KIFC3: variants seen among roughly 807,000 people sequenced by gnomAD.
The protein encoded by KIFC3 is kinesin family member C3.
A neutral mutation model predicts 101.8 loss-of-function variants in KIFC3; 60 were observed. The ratio of observed to expected loss-of-function variants is 0.59; its 90% CI spans 0.48 to 0.73. KIFC3 has a LOEUF of 0.73. Ranked by LOEUF, KIFC3 falls within the 30% of genes least tolerant of loss-of-function variation. KIFC3 has a pLI of 0.00. For missense variants in KIFC3, 966 were observed against 1,137.1 expected, an observed-to-expected ratio of 0.85 and a Z score of 2.16; for synonymous variants, 476 against 482.7, an observed-to-expected ratio of 0.99 and a Z score of 0.18.
chr16:57,782,130 C>T, intron 3 of KIFC3: 19 of 985,438 alleles, frequency 1.9e-5, no homozygotes, highest in Non-Finnish European at 2.3e-5. Context: ...CCAGGGCACA[C>T]GGGAGTGACA....
intron 3 of KIFC3, among the ~76,000 whole-genome samples, chr16:57,773,413 C>G (rs886969793): frequency 9.2e-5 from 14 of 152,186 alleles, no homozygotes; most frequent in African/African-American, 2.4e-4. Context: ...AGAACGCACA[C>G]CCAGCATCGC....
At chr16:57,842,190 A>T (rs571962000) in intron 1 of KIFC3, among the ~76,000 whole-genome samples, 1 of 150,752 alleles carries the variant, frequency 6.6e-6, no homozygotes, top group Non-Finnish European at 1.5e-5. Flanking sequence ...ACAGAGCGAG[A>T]CTCCGTCTCA....
chr16:57,832,321 C>CTT (rs1165977084), intron 1 of KIFC3, among the ~76,000 whole-genome samples: 2,153 of 73,474 alleles, frequency 0.029, 210 homozygotes, highest in African/African-American at 0.042. Context: ...GCGCCAGGCC[C>CTT]TTTTTTTTTT....
At chr16:57,774,960 A>C (rs2051847958) in intron 3 of KIFC3, 4 of 1,519,982 alleles carry the variant, frequency 2.6e-6, no homozygotes, top group Non-Finnish European at 3.5e-6. Context: ...CTGCCTCAGC[A>C]TGGGGCTGGG....
Position 57,758,767 on chromosome 16 carries a change from A to T in KIFC3, c.*167T>A. The T allele has an allele frequency of 9.4e-7, 1 of 1,068,518 alleles. No homozygotes were observed. Among genetic ancestry groups the T allele is most frequent in the Non-Finnish European group, 1.4e-6 (1 of 693,908 alleles). 66.2% of individuals were successfully genotyped at this position (1,068,518 alleles called of 1,614,324 possible). ...CTTCTGAACATGTTTCTCATCTTTG[A>T]GGGGAGACGGGGCAGAAGAAGAGCC... On this transcript the variant is annotated 3_prime_UTR_variant, in exon 20 of 20. Coordinates refer to ENST00000445690, the MANE Select transcript of KIFC3 (RefSeq NM_001130100.2).
chr16:57,765,174 G>A (rs2050341083), intron 11 of KIFC3, among the ~76,000 whole-genome samples: 1 of 152,164 alleles, frequency 6.6e-6, no homozygotes, highest in East Asian at 1.9e-4. Context: ...AAGGGTGGGC[G>A]GGGCCACACG....
Position 57,802,472 on chromosome 16 carries a change from G to A in KIFC3, c.-142C>T, listed in dbSNP as rs1555625905. On this transcript the variant is annotated 5_prime_UTR_variant, in exon 1 of 20. Transcript: ENST00000445690. This position sits in a 1 kb window ranked among gnomAD's most constrained non-coding sequence, Gnocchi z 5.0. ...GCTCCACGCCGCCGCCTCCTCCTCG[G>A]CCAGCCCGCTCGCGCCCCTCCCGCA... The A allele has an allele frequency of 3.6e-5, 35 of 983,058 alleles. No homozygotes were observed. The highest frequency in any genetic ancestry group is 4.0e-5 in the Non-Finnish European group (33 of 829,074). The allele number at this position is 983,058 out of a possible 1,614,324, so 60.9% of individuals were successfully genotyped here.
At chr16:57,791,342 G>A (rs2053853583) in intron 3 of KIFC3, among the ~76,000 whole-genome samples, 1 of 152,254 alleles carries the variant, frequency 6.6e-6, no homozygotes, top group Admixed American at 6.5e-5. Flanking sequence ...GCAGCTGGAA[G>A]TTTCCATTTG....
chr16:57,807,348 C>T (rs1341345759), upstream of KIFC3, among the ~76,000 whole-genome samples: 1 of 152,172 alleles, frequency 6.6e-6, no homozygotes, highest in Non-Finnish European at 1.5e-5. Flanking sequence ...GCACATGACT[C>T]ACCCTGAGCA....
At chr16:57,845,318 G>T (rs414805) in intron 1 of KIFC3, among the ~76,000 whole-genome samples, 1 of 151,906 alleles carries the variant, frequency 6.6e-6, no homozygotes, top group African/African-American at 2.4e-5. Context: ...GGACTCTTGC[G>T]ATAGTCCTTG....
rs2049594242 is a variant in KIFC3 at position 57,759,724 on chromosome 16, T to C, written c.2476+4A>G. The C allele has an allele frequency of 6.2e-7, 1 of 1,605,566 alleles. No individual in the cohort carries two copies. The highest frequency in any genetic ancestry group is 8.5e-7 in the Non-Finnish European group (1 of 1,176,078). ...CCCCACCCACACTGCCACTCCAGGCTCACCCGAGGGCTGCAGCTTCCTCCG... is the reference window on the plus strand; with the variant it reads ...CCCCACCCACACTGCCACTCCAGGCCCACCCGAGGGCTGCAGCTTCCTCCG... On this transcript the variant is annotated splice_donor_region_variant and intron_variant, in intron 18 of 19. Transcript: ENST00000445690.
chr16:57,810,561 G>T (rs960904576), intron 1 of KIFC3: 8 of 618,460 alleles, frequency 1.3e-5, no homozygotes, highest in Non-Finnish European at 1.6e-5. Flanking sequence ...AGGATCCTGC[G>T]GTTCCAGTGG....
chr16:57,771,627 C>T lies in KIFC3; in HGVS notation c.441G>A (p.Arg147=). Residue 147 remains arginine, a synonymous_variant, in exon 5 of 20, where the codon AGG becomes AGA. Coordinates refer to ENST00000445690, the MANE Select transcript of KIFC3 (RefSeq NM_001130100.2). ...DLLMVENERL[R]QEMRRCEAEL... ...CGGCCTCACAGCGCCGCATCTCCTG[C>T]CTCAGTCGCTCATTCTCCACCATCA... 4 of 1,613,346 alleles carry T rather than the reference C, an allele frequency of 2.5e-6. No homozygotes were observed. Among genetic ancestry groups the T allele is most frequent in the Non-Finnish European group, 3.4e-6 (4 of 1,179,972 alleles).
At chr16:57,777,805 G>C (rs1190863646) in intron 3 of KIFC3, among the ~76,000 whole-genome samples, 1 of 152,066 alleles carries the variant, frequency 6.6e-6, no homozygotes, top group Non-Finnish European at 1.5e-5. Context: ...AAGAGCAATG[G>C]AATGGAATAC....
intron 1 of KIFC3, among the ~76,000 whole-genome samples, chr16:57,822,479 C>T (rs1260415747): frequency 1.3e-5 from 2 of 152,086 alleles, no homozygotes; most frequent in Non-Finnish European, 2.9e-5. Context: ...AGGCAGGCGG[C>T]TCACTTGAGG....
At position 57,798,223 on chromosome 16, in the gene KIFC3, C is replaced by G. The variant is rs1466270135; in HGVS notation, c.21G>C (p.Thr7=). The stretch of plus-strand genomic sequence containing the variant: ...GCGAGGGCGTGGCTCCCAGGTTCCA[C>G]GTCCTGCGAGAGGGGACCATGGCCT... MVPSRR[T]WNLGATPSLR... Residue 7 remains threonine (T), a synonymous_variant, in exon 2 of 20, where the codon ACG becomes ACC. Coordinates refer to ENST00000445690, the MANE Select transcript of KIFC3 (RefSeq NM_001130100.2). 4 of 1,549,850 alleles carry G rather than the reference C, an allele frequency of 2.6e-6. No homozygotes were observed. The highest frequency in any genetic ancestry group is 3.5e-6 in the Non-Finnish European group (4 of 1,147,638).
At position 57,857,352 on chromosome 16, in the gene KIFC3, A is replaced by G. The variant is rs187149354; in HGVS notation, c.108+5377T>C. ...CTTGGCCTCCTGAGACTCTTAGCCC[A>G]TTTCTGACTTTCGTAAGTCTCCCAG... is the stretch of plus-strand genomic sequence containing the variant. On this transcript the variant is annotated intron_variant, in intron 1 of 2. Transcript: ENST00000563028. 2.3e-3 allele frequency among the ~76,000 whole-genome samples: 340 copies of G among 147,108 alleles called. 3 individuals carry two copies. The highest frequency in any genetic ancestry group is 7.2e-3 in the Admixed American group (105 of 14,634).
rs1172792777 is a variant in KIFC3 at position 57,762,275 on chromosome 16, G to A, written c.1618-5C>T. The A allele has an allele frequency of 1.3e-6, 2 of 1,542,072 alleles. No individual in the cohort carries two copies. The highest frequency in any genetic ancestry group is 8.8e-7 in the Non-Finnish European group (1 of 1,141,406). Reference sequence around the variant, plus strand: ...ACCTGGGTTCTCAGCGGTCCCCTGGGGACAGAAGGAAAGGCCCCAGTAAGC... The same window carrying A: ...ACCTGGGTTCTCAGCGGTCCCCTGGAGACAGAAGGAAAGGCCCCAGTAAGC... On this transcript the variant is annotated splice_region_variant and splice_polypyrimidine_tract_variant and intron_variant, in intron 12 of 19. Coordinates refer to ENST00000445690, the MANE Select transcript of KIFC3 (RefSeq NM_001130100.2).
rs1555594006 is a variant in KIFC3 at position 57,759,786 on chromosome 16, G to A, written c.2418C>T (p.Ala806=). 3.1e-6 allele frequency: 5 copies of A among 1,611,304 alleles called. No homozygotes were observed. In the Admixed American group the frequency reaches 5.0e-5, roughly 16 times the overall value. The change falls in exon 18 of 20, where the codon GCC becomes GCT. Residue 806 remains alanine (A), a synonymous_variant. Coordinates refer to ENST00000445690, the MANE Select transcript of KIFC3 (RefSeq NM_001130100.2). ...GGCGGCTACTGGTCCCAGAGCTGGG[G>A]GCTGAGTGGGCCCGTGCCGAGGGCT... The part of the protein sequence containing the change: ...TPQPSARAHS[A]PSSGTSSRPG...
Sources: gnomAD v4.1 joint callset for allele counts (sites outside exome capture counted in the v4.1 genomes callset) on GRCh38, gnomAD v4.1.1 for gene constraint, Gnocchi (gnomAD v3.1) non-coding constraint, MANE v1.5 for transcripts, NCBI Gene and HGNC (gene_info 2026-07-23, HGNC 2026-07-21) for gene names.